Variants in ASIC2 observed in about 807,000 individuals in gnomAD.
The protein encoded by ASIC2 is acid-sensing ion channel 2.
Under a neutral mutation model 57.3 loss-of-function variants are expected in ASIC2, and 25 were observed. The observed-to-expected ratio is 0.44, with a 90% confidence interval of 0.32 to 0.61. The LOEUF is 0.61. Among genes scored for constraint, ASIC2 ranks in the 20% least tolerant of loss-of-function variants. The pLI, the probability that ASIC2 is intolerant of heterozygous loss-of-function variation, is 0.06. For missense variants in ASIC2, 641 were observed against 738.1 expected (o/e 0.87, Z 1.52); for synonymous variants, 319 against 307.5 (o/e 1.04, Z -0.39).
intron 1 of ASIC2, among the ~76,000 whole-genome samples, chr17:33,769,088 G>A (rs1911019466): frequency 6.6e-6 from 1 of 152,234 alleles, no homozygotes; most frequent in African/African-American, 2.4e-5. Context: ...GACTCACTGA[G>A]TGTGGGTACC....
At chr17:33,358,224 T>C (rs1459869530) in intron 1 of ASIC2, among the ~76,000 whole-genome samples, 1 of 152,232 alleles carries the variant, frequency 6.6e-6, no homozygotes, top group Non-Finnish European at 1.5e-5. Flanking sequence ...CATTTGTTTG[T>C]ATATATTTTT....
At chr17:33,535,628 C>A (rs1915205576) in intron 1 of ASIC2, among the ~76,000 whole-genome samples, 1 of 152,122 alleles carries the variant, frequency 6.6e-6, no homozygotes, top group Non-Finnish European at 1.5e-5. Flanking sequence ...GTGCCTTCTC[C>A]TCTCTCTATC....
chr17:33,392,943 A>G (rs923378625), intron 1 of ASIC2, among the ~76,000 whole-genome samples: 2 of 152,160 alleles, frequency 1.3e-5, no homozygotes, highest in African/African-American at 4.8e-5. Flanking sequence ...ACAGCTAATT[A>G]GTAGATAAGC....
At chr17:34,081,678 A>T (rs1909889608) in intron 1 of ASIC2, among the ~76,000 whole-genome samples, 1 of 152,202 alleles carries the variant, frequency 6.6e-6, no homozygotes, top group Non-Finnish European at 1.5e-5. Context: ...CACAAATTAT[A>T]ATTTGCTCTA....
chr17:33,962,077 A>G (rs1029462412), intron 1 of ASIC2, among the ~76,000 whole-genome samples: 5 of 152,144 alleles, frequency 3.3e-5, no homozygotes, highest in African/African-American at 9.7e-5. Flanking sequence ...CATGTGTTCA[A>G]TGCCTTCTCC....
intron 1 of ASIC2, among the ~76,000 whole-genome samples, chr17:34,124,052 G>A (rs915838101): frequency 5.9e-5 from 9 of 152,106 alleles, no homozygotes; most frequent in East Asian, 3.8e-4. Flanking sequence ...CTGCCCTCCC[G>A]CCTGGGTGAC....
At chr17:33,684,441 A>G (rs1302050729) in intron 1 of ASIC2, among the ~76,000 whole-genome samples, 1 of 151,898 alleles carries the variant, frequency 6.6e-6, no homozygotes, top group African/African-American at 2.4e-5. Context: ...TCTTCTTTGC[A>G]GGACATCATG....
At chr17:33,610,737 A>AAAT (rs1015164599) in intron 1 of ASIC2, among the ~76,000 whole-genome samples, 1 of 151,766 alleles carries the variant, frequency 6.6e-6, no homozygotes, top group South Asian at 2.1e-4. Context: ...ATAAATAAAT[A>AAAT]AATAAAATAA....
At chr17:33,790,513 T>A (rs1911739919) in intron 1 of ASIC2, among the ~76,000 whole-genome samples, 2 of 152,234 alleles carry the variant, frequency 1.3e-5, no homozygotes, top group Non-Finnish European at 2.9e-5. Context: ...ATTTGCAGCC[T>A]CTTGTGATAT....
rs554336487 is a variant in ASIC2 at position 33,506,056 on chromosome 17, G to A, written c.556-393989C>T. ...TTTCCATATCTGCAGTCTGGGGTTA[G>A]GGCAGAGTCCTAGGATACTGGGATA... On this transcript the variant is annotated intron_variant, in intron 1 of 9. Transcript: ENST00000359872. Among the ~76,000 whole-genome samples, 83 of 152,266 alleles carry A rather than the reference G, an allele frequency of 5.5e-4. 1 individual carries two copies. Among genetic ancestry groups the A allele is most frequent in the African/African-American group, 1.9e-3 (81 of 41,542 alleles).
chr17:33,142,244 C>A (rs888501897), intron 1 of ASIC2, among the ~76,000 whole-genome samples: 1 of 152,160 alleles, frequency 6.6e-6, no homozygotes, highest in South Asian at 2.1e-4. Context: ...CAAAAGTGAG[C>A]TTTGAGAGGA....
chr17:33,171,827 T>G (rs1905532484), intron 1 of ASIC2, among the ~76,000 whole-genome samples: 1 of 152,204 alleles, frequency 6.6e-6, no homozygotes, highest in South Asian at 2.1e-4. Flanking sequence ...TTTAGTAACT[T>G]GTGCTTGCTC....
intron 1 of ASIC2, among the ~76,000 whole-genome samples, chr17:33,733,258 C>T (rs1909802893): frequency 6.6e-6 from 1 of 152,202 alleles, no homozygotes; most frequent in South Asian, 2.1e-4. Context: ...GAACTCCTAA[C>T]TAAAAGCCTG....
chr17:33,635,283 G>T (rs1023624928), intron 1 of ASIC2, among the ~76,000 whole-genome samples: 1 of 152,222 alleles, frequency 6.6e-6, no homozygotes, highest in Non-Finnish European at 1.5e-5. Context: ...CTACGTCTCA[G>T]ATACTATGCT....
At chr17:33,186,633 C>T (rs536213798) in intron 1 of ASIC2, among the ~76,000 whole-genome samples, 13 of 152,232 alleles carry the variant, frequency 8.5e-5, no homozygotes, top group African/African-American at 9.6e-5. Context: ...GCGTACAGTG[C>T]AGTGGTGGTT....
chr17:33,866,934 T>C (rs150394212), intron 1 of ASIC2, among the ~76,000 whole-genome samples: 2 of 152,384 alleles, frequency 1.3e-5, no homozygotes, highest in African/African-American at 4.8e-5. Context: ...ATCCCAATGA[T>C]TTCTGAATTG....
chr17:33,596,713 C>T (rs570260136), intron 1 of ASIC2, among the ~76,000 whole-genome samples: 1 of 152,274 alleles, frequency 6.6e-6, no homozygotes, highest in East Asian at 1.9e-4. Context: ...TCCTCTTCTC[C>T]TCTCTTCTTC....
intron 1 of ASIC2, among the ~76,000 whole-genome samples, chr17:33,733,015 G>T (rs1005650600): frequency 2.6e-5 from 4 of 152,156 alleles, no homozygotes; most frequent in African/African-American, 4.8e-5. Flanking sequence ...GCATCCTCTG[G>T]CTAGAGGACA....
chr17:33,201,613 G>C (rs1000762826), intron 1 of ASIC2, among the ~76,000 whole-genome samples: 1 of 152,190 alleles, frequency 6.6e-6, no homozygotes, highest in African/African-American at 2.4e-5. Flanking sequence ...ATTAAAATGA[G>C]TATAAACATG....
Sources: gnomAD v4.1 joint callset for allele counts (sites outside exome capture counted in the v4.1 genomes callset) on GRCh38, gnomAD v4.1.1 for gene constraint, MANE v1.5 for transcripts, NCBI Gene and HGNC (gene_info 2026-07-23, HGNC 2026-07-21) for gene names.